The following SYNE1 variants were observed in gnomAD, a reference collection of about 807,000 sequenced individuals.
SYNE1 encodes the protein spectrin repeat containing nuclear envelope protein 1, also known as nesprin-1.
SYNE1 carries 616 observed loss-of-function variants against 1,111.0 expected under a neutral mutation model. The ratio of observed to expected loss-of-function variants is 0.55; its 90% CI spans 0.52 to 0.59. The LOEUF is 0.59. Among genes scored for constraint, SYNE1 ranks in the 20% least tolerant of loss-of-function variants. SYNE1 has a pLI of 0.00. For missense variants in SYNE1, 10,006 were observed against 10,417.0 expected (o/e 0.96, Z 1.72); for synonymous variants, 3,855 against 3,825.8 (o/e 1.01, Z -0.28).
At chr6:152,428,134 T>C (rs754490937) in intron 37 of SYNE1, 71 bp downstream of exon 37, 17 of 1,587,332 alleles carry the variant, frequency 1.1e-5, no homozygotes, top group Non-Finnish European at 1.3e-5. Context: ...CTACTCCCCA[T>C]CACTTTAAGA....
chr6:152,265,629 A>G (rs935904649), intron 100 of SYNE1, among the ~76,000 whole-genome samples: 2 of 152,210 alleles, frequency 1.3e-5, no homozygotes, highest in African/African-American at 4.8e-5. Context: ...TTATAGTCTT[A>G]CATTTAATCA....
chr6:152,281,991 C>T lies in SYNE1; in HGVS notation c.18208-11G>A, dbSNP rs1410603008. 2.5e-6 allele frequency: 4 copies of T among 1,612,888 alleles called. No individual in the cohort carries two copies. The stretch of plus-strand genomic sequence containing the variant: ...ATCATTCAACTTCTCCTGTTGAATT[C>T]AGTAGAAGGTAATATAGATCACGCT... On this transcript the variant is annotated splice_polypyrimidine_tract_variant and intron_variant, in intron 96 of 145. Transcript: ENST00000367255.
intron 40 of SYNE1, among the ~76,000 whole-genome samples, chr6:152,419,276 A>T (rs554530227): frequency 6.1e-4 from 93 of 152,328 alleles, no homozygotes; most frequent in African/African-American, 2.2e-3. Context: ...CAAACTGGGA[A>T]GCTTAAAAAT....
chr6:152,377,640 AATATATATAT>A (rs1369932106), intron 56 of SYNE1, among the ~76,000 whole-genome samples: 158 of 33,856 alleles, frequency 4.7e-3, no homozygotes, highest in African/African-American at 0.022. Context: ...AAAAAAAAAA[AATATATATAT>A]ATATATATAT....
intron 78 of SYNE1, among the ~76,000 whole-genome samples, chr6:152,329,396 G>A (rs1376378476): frequency 2.6e-5 from 4 of 152,060 alleles, no homozygotes; most frequent in African/African-American, 4.8e-5. Flanking sequence ...ATGTGATGGC[G>A]GGTGCCTGTA....
chr6:152,448,346 C>A (rs933528870), intron 28 of SYNE1, among the ~76,000 whole-genome samples: 13 of 152,196 alleles, frequency 8.5e-5, no homozygotes, highest in African/African-American at 2.9e-4. Context: ...GGTCCCCAAC[C>A]AGGGCCACTC....
Position 152,269,180 on chromosome 6 carries a change from C to T in SYNE1, c.18680G>A (p.Arg6227Gln), listed in dbSNP as rs778929049. 19 of 1,614,048 alleles carry T rather than the reference C, an allele frequency of 1.2e-5. No homozygotes were observed. Among genetic ancestry groups the T allele is most frequent in the South Asian group, 4.4e-5 (4 of 91,090 alleles). ...TTTTTGTTGCTGGAGACTGCTCTGC[C>T]GCTGCTGGGTCCATGTGGTGCGAGC... ...AQARTTWTQQ[R>Q]QSSLQQQKEL... The change falls in exon 99 of 146, where the codon CGG becomes CAG. Residue 6227 changes from arginine to glutamine, a missense_variant. Coordinates refer to ENST00000367255, the MANE Select transcript of SYNE1 (RefSeq NM_182961.4).
In SYNE1 at chr6:152,331,131, G is replaced by C. The variant is rs115535983; in HGVS notation, c.13554C>G (p.Arg4518=). Residue 4518 remains arginine, a synonymous_variant, in exon 78 of 146, where the codon CGC becomes CGG. Coordinates refer to ENST00000367255, the MANE Select transcript of SYNE1 (RefSeq NM_182961.4). ...GCTCTGTGACTTCCTTCATTAGTTC[G>C]CGACCCTGGGCCCAAAGTCCAGTGA... The part of the protein sequence containing the change: ...NEVTGLWAQG[R]ELMKEVTEQE... 2.5e-6 allele frequency: 4 copies of C among 1,613,870 alleles called. No homozygotes were observed. In the African/African-American group the frequency reaches 5.3e-5, roughly 22 times the overall value.
intron 124 of SYNE1, among the ~76,000 whole-genome samples, chr6:152,209,488 G>A (rs1324290283): frequency 6.6e-6 from 1 of 152,078 alleles, no homozygotes; most frequent in South Asian, 2.1e-4. Context: ...GGTGACTCAC[G>A]TCTTTAATCC....
intron 29 of SYNE1, 144 bp from the exon 30 acceptor site, chr6:152,444,722 C>T: frequency 1.3e-6 from 1 of 750,988 alleles, no homozygotes; most frequent in South Asian, 1.8e-5. Context: ...TTCTCCACAT[C>T]AGGCTAATTA....
chr6:152,512,114 C>A (rs1399902775), intron 6 of SYNE1, among the ~76,000 whole-genome samples: 2 of 152,082 alleles, frequency 1.3e-5, no homozygotes, highest in Non-Finnish European at 2.9e-5. Context: ...GTGTCAGATG[C>A]AAAATCATTT....
chr6:152,234,646 T>C, intron 111 of SYNE1, 22 bp downstream of exon 111: 1 of 1,614,068 alleles, frequency 6.2e-7, no homozygotes, highest in Non-Finnish European at 8.5e-7. Context: ...CTGAATCAAA[T>C]GCTTTAGATT....
At chr6:152,213,584 T>C (rs1408106230) in intron 123 of SYNE1, 28 bp downstream of exon 123, 1 of 1,613,876 alleles carries the variant, frequency 6.2e-7, no homozygotes. Context: ...AATTTCTTAT[T>C]ACCCCCAAAT....
chr6:152,403,464 T>C (rs2097850763), intron 46 of SYNE1, among the ~76,000 whole-genome samples: 1 of 152,194 alleles, frequency 6.6e-6, no homozygotes, highest in Non-Finnish European at 1.5e-5. Context: ...CTCACACCTG[T>C]AATCCCAGCA....
chr6:152,629,149 T>G lies in SYNE1; in HGVS notation c.-223-595A>C, dbSNP rs567375675. Among the ~76,000 whole-genome samples the G allele has an allele frequency of 3.3e-4, 50 of 152,234 alleles. 1 individual carries two copies. Among genetic ancestry groups the G allele is most frequent in the African/African-American group, 1.2e-3 (48 of 41,554 alleles). On this transcript the variant is annotated intron_variant, in intron 2 of 145. Coordinates refer to ENST00000367255, the MANE Select transcript of SYNE1 (RefSeq NM_182961.4). ...TATAAAGACTCAAGAGTTTTAAGGC[T>G]AGGGTGGGGTGGGTGAAGCAGAGTG...
chr6:152,215,845 G>GA (rs1563583920), intron 121 of SYNE1, among the ~76,000 whole-genome samples: 1 of 152,202 alleles, frequency 6.6e-6, no homozygotes, highest in Non-Finnish European at 1.5e-5. Flanking sequence ...GAGGGTAAAC[G>GA]AACCTCCTTG....
In SYNE1 at chr6:152,369,763, G is replaced by T. The variant is rs973087866; in HGVS notation, c.9508-149C>A. On this transcript the variant is annotated intron_variant, in intron 59 of 145. Coordinates refer to ENST00000367255, the MANE Select transcript of SYNE1 (RefSeq NM_182961.4). ...TTTGGGTGGCCGAGGTGAGCAGATA[G>T]CTTGAGCTCAGGAGTTCAAGACCAG... 1.6e-5 allele frequency: 14 copies of T among 898,388 alleles called. No individual in the cohort carries two copies. In the African/African-American group the frequency reaches 2.1e-4, roughly 14 times the overall value. The allele number at this position is 898,388 out of a possible 1,614,324, so 55.7% of individuals were successfully genotyped here.
At chr6:152,418,848 C>CT (rs779319196) in intron 40 of SYNE1, among the ~76,000 whole-genome samples, 33 of 152,290 alleles carry the variant, frequency 2.2e-4, no homozygotes, top group Non-Finnish European at 3.5e-4. Flanking sequence ...ACCTGAGAAA[C>CT]TTTTTCTGCA....
At chr6:152,390,587 C>A in intron 52 of SYNE1, 135 bp from the exon 53 acceptor site, 1 of 856,166 alleles carries the variant, frequency 1.2e-6, no homozygotes, top group Non-Finnish European at 1.8e-6. Context: ...AACTCTGGGC[C>A]CTATTGCAAT....
Sources: allele counts gnomAD v4.1 joint callset (sites outside exome capture counted in the v4.1 genomes callset), GRCh38; gene constraint gnomAD v4.1.1; transcripts MANE v1.5; gene names NCBI Gene and HGNC (gene_info 2026-07-23, HGNC 2026-07-21).